The following KIF3B variants were observed in gnomAD, a reference collection of about 807,000 sequenced individuals.
KIF3B encodes the protein kinesin family member 3B.
Under a neutral mutation model 74.3 loss-of-function variants are expected in KIF3B, and 38 were observed. That is an observed-to-expected ratio of 0.51 (90% CI 0.39 to 0.67). The LOEUF (loss-of-function observed/expected upper bound fraction) is 0.67, where lower values mean the gene tolerates loss of function less well. KIF3B is among the 30% of genes least tolerant of loss of function. The pLI is 0.00. For synonymous variants in KIF3B, 326 were observed against 342.5 expected (o/e 0.95, Z 0.53); for missense variants, 649 against 932.0 (o/e 0.70, Z 3.95).
At chr20:32,325,182 T>C (rs2047896479) in intron 5 of KIF3B, among the ~76,000 whole-genome samples, 2 of 152,044 alleles carry the variant, frequency 1.3e-5, no homozygotes, top group South Asian at 4.2e-4. Context: ...TTTTTTACAT[T>C]TTCTTTTTGT....
chr20:32,291,184 A>G (rs951797077), intron 1 of KIF3B, among the ~76,000 whole-genome samples: 5 of 152,230 alleles, frequency 3.3e-5, no homozygotes, highest in Admixed American at 2.0e-4. Context: ...GTGTTATACA[A>G]CAATGTGAAT....
Position 32,310,424 on chromosome 20 carries a change from A to G in KIF3B, c.647A>G (p.His216Arg). 1 of 1,614,184 alleles carries G rather than the reference A, an allele frequency of 6.2e-7. No individual in the cohort carries two copies. Among genetic ancestry groups the G allele is most frequent in the Non-Finnish European group, 8.5e-7 (1 of 1,180,008 alleles). ...TNMNEHSSRS[H>R]AIFVITIECS... ...ATGAACGAGCACAGCTCGCGTTCTC[A>G]TGCAATTTTCGTTATCACTATTGAG... The change falls in exon 2 of 9, where the codon CAT (histidine) becomes CGT (arginine). Residue 216 changes from histidine to arginine, a missense_variant. By Grantham distance (29) the His-to-Arg change is conservative (BLOSUM62 0). Transcript: ENST00000375712. The surrounding 1 kb of genome is among the most constrained non-coding windows in gnomAD (Gnocchi z 6.5).
chr20:32,298,125 G>GT (rs1444026501), intron 1 of KIF3B, among the ~76,000 whole-genome samples: 164 of 124,726 alleles, frequency 1.3e-3, no homozygotes, highest in Non-Finnish European at 2.4e-3. Flanking sequence ...AAAAAAAATT[G>GT]TTGTTTTTTT....
chr20:32,301,726 T>C (rs1424283951), intron 1 of KIF3B, among the ~76,000 whole-genome samples: 2 of 152,156 alleles, frequency 1.3e-5, no homozygotes, highest in Non-Finnish European at 2.9e-5. Flanking sequence ...TTAGATAGAA[T>C]GTAACCAGTT....
intron 5 of KIF3B, among the ~76,000 whole-genome samples, chr20:32,322,668 A>ATT (rs1289473472): frequency 1.5e-4 from 8 of 53,486 alleles, no homozygotes; most frequent in African/African-American, 1.5e-3. Context: ...ATTTATATAT[A>ATT]TATTTATATA....
In KIF3B at chr20:32,285,001, G is replaced by A. The variant is rs953329142; in HGVS notation, c.-66+7236G>A. Among the ~76,000 whole-genome samples, 8 of 150,510 alleles carry A rather than the reference G, an allele frequency of 5.3e-5. No individual in the cohort carries two copies. The East Asian group carries it at 5.9e-4, about 11-fold the overall frequency. On this transcript the variant is annotated intron_variant, in intron 1 of 8. Coordinates refer to ENST00000375712, the MANE Select transcript of KIF3B (RefSeq NM_004798.4). ...ATTGCTCTTTCTACCATTCATTCGC[G>A]TGTTCATCTGTTTTTCAGGTGGGCA...
intron 1 of KIF3B, among the ~76,000 whole-genome samples, chr20:32,303,913 A>G (rs996038014): frequency 2.4e-4 from 36 of 152,130 alleles, no homozygotes; most frequent in African/African-American, 8.2e-4. Context: ...TGTTTAATGC[A>G]TAAAATTAGG....
chr20:32,293,745 A>G (rs1285730891), intron 1 of KIF3B, among the ~76,000 whole-genome samples: 1 of 152,152 alleles, frequency 6.6e-6, no homozygotes, highest in African/African-American at 2.4e-5. Flanking sequence ...AAAGCAAAAG[A>G]TGAAGATGAA....
chr20:32,292,625 G>T (rs984110878), intron 1 of KIF3B, among the ~76,000 whole-genome samples: 4 of 151,198 alleles, frequency 2.6e-5, no homozygotes, highest in Non-Finnish European at 5.9e-5. Context: ...GGGTCCAGTG[G>T]CGCACGCCTG....
chr20:32,295,388 G>T (rs1569192152), intron 1 of KIF3B, among the ~76,000 whole-genome samples: 1 of 151,924 alleles, frequency 6.6e-6, no homozygotes, highest in Non-Finnish European at 1.5e-5. Context: ...CGCCTCCCGG[G>T]TTCACACCAT....
intron 1 of KIF3B, among the ~76,000 whole-genome samples, chr20:32,281,002 G>GTT (rs2047640574): frequency 6.6e-6 from 1 of 152,126 alleles, no homozygotes. Flanking sequence ...CTAGACTTCT[G>GTT]TTAGGTGCCT....
At chr20:32,280,945 T>G (rs1326281199) in intron 1 of KIF3B, among the ~76,000 whole-genome samples, 1 of 152,176 alleles carries the variant, frequency 6.6e-6, no homozygotes, top group African/African-American at 2.4e-5. Context: ...TATGTTTGCC[T>G]TGGCTGCAGA....
intron 2 of KIF3B, among the ~76,000 whole-genome samples, chr20:32,314,884 C>T (rs2047819444): frequency 6.6e-6 from 1 of 152,138 alleles, no homozygotes; most frequent in African/African-American, 2.4e-5. Flanking sequence ...TAACCTTCTG[C>T]CCACTGGGAT....
At chr20:32,288,999 G>C (rs1031539523) in intron 1 of KIF3B, among the ~76,000 whole-genome samples, 1 of 152,196 alleles carries the variant, frequency 6.6e-6, no homozygotes, top group Non-Finnish European at 1.5e-5. Flanking sequence ...GATAAGACAA[G>C]ATTCTGATCC....
rs530888525 is a variant in KIF3B, at chr20:32,282,448, A to C, written c.-66+4683A>C. Among the ~76,000 whole-genome samples, 4 of 152,308 alleles carry C rather than the reference A, an allele frequency of 2.6e-5. No individual in the cohort carries two copies. The South Asian group carries it at 8.3e-4, about 32-fold the overall frequency. ...CTGTAGAGGAGAGGCACAAGGTATA[A>C]GCATCATACTTTATAGTCTGTGGGG... On this transcript the variant is annotated intron_variant, in intron 1 of 8. Transcript: ENST00000375712.
chr20:32,300,482 C>T (rs1174672096), intron 1 of KIF3B, among the ~76,000 whole-genome samples: 1 of 152,078 alleles, frequency 6.6e-6, no homozygotes, highest in East Asian at 1.9e-4. Flanking sequence ...GATTTCACCG[C>T]GTTAGCCACA....
intron 1 of KIF3B, among the ~76,000 whole-genome samples, chr20:32,303,076 C>A (rs1464798316): frequency 4.6e-5 from 7 of 152,082 alleles, no homozygotes; most frequent in Admixed American, 4.6e-4. Flanking sequence ...ATTCTTCTTC[C>A]AGTGTGGCCC....
intron 1 of KIF3B, among the ~76,000 whole-genome samples, chr20:32,293,878 AATATATGGGTTT>A (rs1005178667): frequency 3.9e-5 from 6 of 152,192 alleles, no homozygotes; most frequent in Admixed American, 3.9e-4. Flanking sequence ...GTGTTTTAAA[AATATATGGGTTT>A]ATATATGGGT....
chr20:32,328,149 C>T (rs13037142), intron 7 of KIF3B, among the ~76,000 whole-genome samples: 52,185 of 151,550 alleles, frequency 0.34, 10,246 homozygotes, highest in East Asian at 0.74. Flanking sequence ...ATAGGCCGGG[C>T]GCAGTGGCTG....
Sources: gnomAD v4.1 joint callset for allele counts (sites outside exome capture counted in the v4.1 genomes callset) on GRCh38, gnomAD v4.1.1 for gene constraint, Gnocchi (gnomAD v3.1) non-coding constraint, MANE v1.5 for transcripts, NCBI Gene and HGNC (gene_info 2026-07-23, HGNC 2026-07-21) for gene names.